Variants in TUBB8 observed in about 807,000 individuals in gnomAD.
TUBB8 encodes the protein tubulin beta-8 chain.
In TUBB8, 25 loss-of-function variants were observed where a neutral mutation model predicts 33.7. That is an observed-to-expected ratio of 0.74 (90% CI 0.54 to 1.04). TUBB8 has a LOEUF of 1.04. TUBB8 is among the 50% of genes least tolerant of loss of function. The pLI, the probability that TUBB8 is intolerant of heterozygous loss-of-function variation, is 0.00. For missense variants in TUBB8, 279 were observed against 608.0 expected, an observed-to-expected ratio of 0.46 and a Z score of 5.69; for synonymous variants, 245 against 240.1, an observed-to-expected ratio of 1.02 and a Z score of -0.19.
At chr10:51,452 A>T (rs1260342490), upstream of TUBB8, among the ~76,000 whole-genome samples, 14 of 151,872 alleles carry the variant, frequency 9.2e-5, no homozygotes, top group Middle Eastern at 3.4e-3. Flanking sequence ...TAGAAGATGT[A>T]ACTTTGTTCC....
intron 1 of TUBB8, among the ~76,000 whole-genome samples, chr10:58,309 G>A (rs1554740444): frequency 6.6e-6 from 1 of 152,190 alleles, no homozygotes; most frequent in African/African-American, 2.4e-5. Context: ...CTTCTTCTGA[G>A]TGCTACAAAC....
intron 1 of TUBB8, among the ~76,000 whole-genome samples, chr10:73,090 C>T (rs1486463312): frequency 6.6e-6 from 1 of 152,260 alleles, no homozygotes; most frequent in Non-Finnish European, 1.5e-5. Flanking sequence ...ATAAAACAGA[C>T]GTCATTTTCT....
At chr10:70,598 G>C (rs1355993552) in intron 1 of TUBB8, among the ~76,000 whole-genome samples, 48 of 152,256 alleles carry the variant, frequency 3.2e-4, no homozygotes, top group African/African-American at 1.1e-3. Context: ...ACAGTACTTT[G>C]GGAGGCCGAG....
At chr10:67,143 T>G (rs1322082208) in intron 1 of TUBB8, among the ~76,000 whole-genome samples, 2 of 91,518 alleles carry the variant, frequency 2.2e-5, no homozygotes, top group East Asian at 3.2e-4. Context: ...AGTTGTTTTG[T>G]TTTTTTGTTG....
chr10:74,693 A>C (rs184959556), upstream of TUBB8, among the ~76,000 whole-genome samples: 51 of 132,402 alleles, frequency 3.9e-4, no homozygotes, highest in Non-Finnish European at 6.1e-4. Context: ...GAAGGAAGAA[A>C]GTAAGGGGAA....
At chr10:48,388 A>G in intron 3 of TUBB8, 2 of 636,790 alleles carry the variant, frequency 3.1e-6, no homozygotes, top group Non-Finnish European at 5.6e-6. Flanking sequence ...GCCCCAGCTC[A>G]GGTTCTTGCA....
At chr10:52,633 G>A (rs1450858305), upstream of TUBB8, among the ~76,000 whole-genome samples, 4 of 152,204 alleles carry the variant, frequency 2.6e-5, no homozygotes, top group African/African-American at 9.6e-5. Context: ...TTAACCCGTT[G>A]ACCTAAGCTA....
At chr10:50,718 A>C (rs1431286248), upstream of TUBB8, among the ~76,000 whole-genome samples, 2 of 152,208 alleles carry the variant, frequency 1.3e-5, no homozygotes, top group African/African-American at 2.4e-5. Context: ...TGTAAATGTT[A>C]ACTTTTAAAT....
Position 47,979 on chromosome 10 carries a change from G to A in TUBB8, c.413C>T (p.Ser138Phe). Residue 138 changes from serine to phenylalanine, a missense_variant, in exon 4 of 4, where the codon TCC becomes TTC. Ser to Phe is a radical substitution (Grantham distance 155, BLOSUM62 -2). Around this residue, in one of 4 missense-constraint regions of TUBB8, gnomAD observed 96 missense variants for 233.7 expected, o/e 0.41. Coordinates refer to ENST00000568584, the MANE Select transcript of TUBB8 (RefSeq NM_177987.3). ...CCCAGACCCAGTCCCCCCACCCAGG[G>A]AGTGGGTCAGCTGGAAACCCTGCAG... ...DCLQGFQLTH[S>F]LGGGTGSGMG... 2 of 1,614,082 alleles carry A rather than the reference G, an allele frequency of 1.2e-6. No homozygotes were observed. Among genetic ancestry groups the A allele is most frequent in the Non-Finnish European group, 1.7e-6 (2 of 1,180,038 alleles).
upstream of TUBB8, among the ~76,000 whole-genome samples, chr10:51,298 G>A (rs369462049): frequency 3.3e-5 from 5 of 152,120 alleles, no homozygotes; most frequent in Admixed American, 6.5e-5. Context: ...TAGTATAGAC[G>A]AGGTTTCACC....
intron 3 of TUBB8, 105 bp from the exon 4 acceptor site, chr10:48,219 C>T (rs145359804): frequency 0.028 from 28,859 of 1,041,374 alleles, 49 homozygotes; most frequent in Middle Eastern, 0.049. Flanking sequence ...GTGAGAGCAC[C>T]GTTCGCCCTG....
Position 60,311 on chromosome 10 carries a change from T to G in TUBB8, c.-845-10078A>C, listed in dbSNP as rs529297205. ...GGCAACCTACAAAATGGGAGAAAAT[T>G]TTTGCAACCTACTCATCTGACAAAG... On this transcript the variant is annotated intron_variant, in intron 1 of 3. Transcript: ENST00000564130. Among the ~76,000 whole-genome samples, 774 of 152,030 alleles carry G rather than the reference T, an allele frequency of 5.1e-3. 4 individuals carry two copies. The highest frequency in any genetic ancestry group is 0.018 in the African/African-American group (730 of 41,494).
intron 1 of TUBB8, among the ~76,000 whole-genome samples, chr10:61,131 C>T (rs1197524993): frequency 1.3e-5 from 2 of 150,888 alleles, no homozygotes; most frequent in Non-Finnish European, 3.0e-5. Flanking sequence ...TGCTAGATGA[C>T]GAGTTAGTGG....
upstream of TUBB8, among the ~76,000 whole-genome samples, chr10:50,464 T>C (rs551983281): frequency 2.1e-4 from 32 of 152,330 alleles, no homozygotes; most frequent in Non-Finnish European, 1.5e-5. Flanking sequence ...ACAAGCTTCA[T>C]TGGCCCTTTC....
At chr10:75,348 C>T (rs571551980), upstream of TUBB8, among the ~76,000 whole-genome samples, 32 of 149,922 alleles carry the variant, frequency 2.1e-4, no homozygotes, top group African/African-American at 7.8e-4. Flanking sequence ...GACCTTCTCT[C>T]TTAAAACAAA....
At chr10:67,155 T>G (rs1251276819) in intron 1 of TUBB8, among the ~76,000 whole-genome samples, 1 of 26,864 alleles carries the variant, frequency 3.7e-5, no homozygotes, top group Non-Finnish European at 6.8e-5. Flanking sequence ...TTTTTGTTGT[T>G]TTTTTTTTTT....
upstream of TUBB8, among the ~76,000 whole-genome samples, chr10:75,196 T>A (rs1223648636): frequency 2.0e-5 from 3 of 150,440 alleles, no homozygotes; most frequent in Non-Finnish European, 3.0e-5. Context: ...TTTTTTTTTT[T>A]AAATTAGCTG....
At chr10:53,161 G>T (rs1554739817), upstream of TUBB8, among the ~76,000 whole-genome samples, 1 of 151,922 alleles carries the variant, frequency 6.6e-6, no homozygotes, top group Non-Finnish European at 1.5e-5. Context: ...CAGAGTCTTG[G>T]TCTGTTGCCC....
chr10:70,487 A>C (rs1834722918), intron 1 of TUBB8, among the ~76,000 whole-genome samples: 1 of 152,158 alleles, frequency 6.6e-6, no homozygotes, highest in African/African-American at 2.4e-5. Context: ...ATTGATGGAA[A>C]CAAACCGCAG....
Sources: allele counts gnomAD v4.1 joint callset (sites outside exome capture counted in the v4.1 genomes callset), GRCh38; gene constraint gnomAD v4.1.1; regional missense constraint gnomAD v4.1.1; transcripts MANE v1.5; gene names NCBI Gene and HGNC (gene_info 2026-07-23, HGNC 2026-07-21).